Variants in PIK3R2 observed in about 807,000 individuals in gnomAD.
PIK3R2 encodes phosphatidylinositol 3-kinase regulatory subunit beta.
A neutral mutation model predicts 78.5 loss-of-function variants in PIK3R2; 40 were observed. The ratio of observed to expected loss-of-function variants is 0.51; its 90% CI spans 0.40 to 0.66. The LOEUF (loss-of-function observed/expected upper bound fraction) is 0.66. Among genes scored for constraint, PIK3R2 ranks in the 30% least tolerant of loss-of-function variants. The probability of loss-of-function intolerance (pLI) is 0.00; values close to 1 mark genes in which losing one functional copy is unlikely to be tolerated. For missense variants in PIK3R2, 880 were observed against 1,026.6 expected, an observed-to-expected ratio of 0.86 and a Z score of 1.95; for synonymous variants, 473 against 457.7, an observed-to-expected ratio of 1.03 and a Z score of -0.43.
At chr19:18,157,426 G>A (rs1052984822) in intron 2 of PIK3R2, among the ~76,000 whole-genome samples, 10 of 152,204 alleles carry the variant, frequency 6.6e-5, no homozygotes, top group Admixed American at 3.3e-4. Flanking sequence ...ATGTGACCTC[G>A]GCCAGAACCC....
At chr19:18,159,375 A>G (rs1199244527) in intron 2 of PIK3R2, among the ~76,000 whole-genome samples, 2 of 151,794 alleles carry the variant, frequency 1.3e-5, no homozygotes, top group Admixed American at 6.6e-5. Flanking sequence ...CCTTCCTTGC[A>G]GCTTCTGGTG....
chr19:18,162,597 T>C, intron 9 of PIK3R2, 91 bp downstream of exon 9: 1 of 1,142,898 alleles, frequency 8.7e-7, no homozygotes, highest in Non-Finnish European at 1.3e-6. Flanking sequence ...GTTTCAAGAA[T>C]GGAGGGCCAG....
Position 18,160,942 on chromosome 19 carries a change from C to T in PIK3R2, c.439C>T (p.Arg147Cys), listed in dbSNP as rs768743781. ...AGGGCTGGACAGCGAATCTCACTAC[C>T]GCCCGGAGCTGCCCGCACCGCGTAC... ...RTGLDSESHY[R>C]PELPAPRTDW... Residue 147 changes from arginine (R) to cysteine (C), a missense_variant, in exon 4 of 16, where the codon CGC (arginine) becomes TGC (cysteine). Physicochemically the swap from Arg to Cys is radical, Grantham distance 180. Coordinates refer to ENST00000222254, the MANE Select transcript of PIK3R2 (RefSeq NM_005027.4). 6 of 1,611,636 alleles carry T rather than the reference C, an allele frequency of 3.7e-6. No individual in the cohort carries two copies. The highest frequency in any genetic ancestry group is 3.3e-5 in the Admixed American group (2 of 59,810).
rs1416190815 is a variant in PIK3R2 at position 18,169,126 on chromosome 19, G to A, written c.2019G>A (p.Thr673=). The A allele has an allele frequency of 1.2e-6, 2 of 1,611,908 alleles. No individual in the cohort carries two copies. Among genetic ancestry groups the A allele is most frequent in the Non-Finnish European group, 8.5e-7 (1 of 1,179,856 alleles). The change falls in exon 16 of 16, where the codon ACG becomes ACA. Residue 673 remains threonine (T), a synonymous_variant. Transcript: ENST00000222254. ...GDTKHCVIYR[T]ATGFGFAEPY... is the part of the protein sequence containing the mutation. ...CCAAGCACTGCGTCATCTACCGCAC[G>A]GCCACCGGCTTCGGCTTCGCGGAGC...
In PIK3R2 at chr19:18,167,209, C is replaced by CG; in HGVS notation, c.1642dup (p.Ala548GlyfsTer51). The CG allele has an allele frequency of 6.2e-7, 1 of 1,611,484 alleles. No individual in the cohort carries two copies. Among genetic ancestry groups the CG allele is most frequent in the Non-Finnish European group, 8.5e-7 (1 of 1,178,964 alleles). ...CCGCACGAAGCTGGAGCAGCAGCTG[C>CG]GGGCCCAGGCCTCGGACAACAGAGA... is the stretch of plus-strand genomic sequence containing the variant. On this transcript the variant is annotated frameshift_variant, in exon 13 of 16. Transcript: ENST00000222254. LOFTEE classifies it high-confidence loss of function. This position sits in a 1 kb window ranked among gnomAD's most constrained non-coding sequence, Gnocchi z 4.5.
rs777507577 is a variant in PIK3R2, at chr19:18,161,134, G to A, written c.547G>A (p.Ala183Thr). ...TAAGAGCTTCCTGCTGGCACTGCCC[G>A]CGCCGCTCGTGACCCCCGAGGCCTC... ...GIKSFLLALPAPLVTPEASAE... is the reference protein window; with the variant it reads ...GIKSFLLALPTPLVTPEASAE... The change falls in exon 5 of 16, where the codon GCG becomes ACG. Residue 183 changes from alanine to threonine, a missense_variant. By Grantham distance (58) the Ala-to-Thr change is moderately conservative. Around this residue, in one of 3 missense-constraint regions of PIK3R2, gnomAD observed 456 missense variants for 486.6 expected, o/e 0.94. Transcript: ENST00000222254. This position sits in a 1 kb window ranked among gnomAD's most constrained non-coding sequence, Gnocchi z 5.3. 1 of 1,560,176 alleles carries A rather than the reference G, an allele frequency of 6.4e-7. No homozygotes were observed. The highest frequency in any genetic ancestry group is 1.4e-5 in the African/African-American group (1 of 73,736).
At position 18,168,914 on chromosome 19, in the gene PIK3R2, G is replaced by A; in HGVS notation, c.1979+18G>A. On this transcript the variant is annotated intron_variant, in intron 15 of 15. Coordinates refer to ENST00000222254, the MANE Select transcript of PIK3R2 (RefSeq NM_005027.4). The surrounding 1 kb of genome is among the most constrained non-coding windows in gnomAD (Gnocchi z 4.1). ...TCCGTGGTGTGAGTGGACCGCAGCGGTGGGGATTCCCGCGTCCCTCCCAGA... is the reference window on the plus strand; with the variant it reads ...TCCGTGGTGTGAGTGGACCGCAGCGATGGGGATTCCCGCGTCCCTCCCAGA... The A allele has an allele frequency of 6.2e-7, 1 of 1,606,546 alleles. No homozygotes were observed. Among genetic ancestry groups the A allele is most frequent in the Non-Finnish European group, 8.5e-7 (1 of 1,176,374 alleles).
At chr19:18,162,745 C>G (rs1025309212) in intron 9 of PIK3R2, 1 of 602,108 alleles carries the variant, frequency 1.7e-6, no homozygotes, top group Non-Finnish European at 2.9e-6. Context: ...AAAAAATTAG[C>G]CAGGCATGGT....
At chr19:18,162,608 G>T (rs575075667) in intron 9 of PIK3R2, 102 bp downstream of exon 9, 3 of 960,558 alleles carry the variant, frequency 3.1e-6, no homozygotes, top group South Asian at 2.9e-5. Context: ...GGAGGGCCAG[G>T]CACGGTGGCT....
Position 18,169,238 on chromosome 19 carries a change from A to T in PIK3R2, c.2131A>T (p.Thr711Ser), listed in dbSNP as rs776417211. The change falls in exon 16 of 16, where the codon ACC (threonine) becomes TCC (serine). Residue 711 changes from threonine (T) to serine (S), a missense_variant. Thr to Ser is a moderately conservative substitution (Grantham distance 58). This residue lies in a region of PIK3R2 where 268 missense variants were observed against 299.1 expected (regional missense o/e 0.90). Transcript: ENST00000222254. ...GCAGCACAACGACGCGCTCACCGTC[A>T]CCCTGGCGCACCCAGTGCGCGCCCC... is the stretch of plus-strand genomic sequence containing the variant. Reference protein sequence around the residue: ...LVQHNDALTVTLAHPVRAPGP... With the variant: ...LVQHNDALTVSLAHPVRAPGP... 6.3e-7 allele frequency: 1 copy of T among 1,586,276 alleles called. No homozygotes were observed. Among genetic ancestry groups the T allele is most frequent in the Non-Finnish European group, 8.5e-7 (1 of 1,173,464 alleles).
At chr19:18,164,527 T>G (rs1463776397) in intron 11 of PIK3R2, among the ~76,000 whole-genome samples, 3 of 152,136 alleles carry the variant, frequency 2.0e-5, no homozygotes, top group African/African-American at 4.8e-5. Flanking sequence ...TCAAGGACTG[T>G]GCTAATAAGC....
Position 18,160,545 on chromosome 19 carries a change from G to A in PIK3R2, c.397G>A (p.Glu133Lys). 6.2e-7 allele frequency: 1 copy of A among 1,613,632 alleles called. No individual in the cohort carries two copies. ...TCCCCCTCTTCTGGTGAAGCTTGTG[G>A]AGGCCATTGAAAGGACAGGTAAGTT... ...VAPPLLVKLV[E>K]AIERTGLDSE... The change falls in exon 3 of 16, where the codon GAG (glutamate) becomes AAG (lysine). Residue 133 changes from glutamate to lysine, a missense_variant. Physicochemically the swap from Glu to Lys is moderately conservative, Grantham distance 56 (BLOSUM62 1). Transcript: ENST00000222254.
In PIK3R2 at chr19:18,168,362, A is replaced by T; in HGVS notation, c.1737-113A>T. ...CTGCCCTCTTGTGGCAACCGGAGAT[A>T]TTGTACCCAGAACCCTCTCTCCTCA... On this transcript the variant is annotated intron_variant, in intron 13 of 15. Transcript: ENST00000222254. The surrounding 1 kb of genome is among the most constrained non-coding windows in gnomAD (Gnocchi z 4.1). 1.5e-6 allele frequency: 1 copy of T among 687,762 alleles called. No homozygotes were observed. The highest frequency in any genetic ancestry group is 1.6e-5 in the South Asian group (1 of 64,054). The allele number at this position is 687,762 out of a possible 1,614,324, so 42.6% of individuals were successfully genotyped here.
intron 2 of PIK3R2, among the ~76,000 whole-genome samples, chr19:18,157,607 G>A (rs2043691179): frequency 6.6e-6 from 1 of 152,120 alleles, no homozygotes; most frequent in African/African-American, 2.4e-5. Flanking sequence ...TGCAAAGTCG[G>A]GGTGATGCAG....
rs373347268 is a variant in PIK3R2, at chr19:18,166,146, G to C, written c.1417-14G>C. 3.1e-6 allele frequency: 5 copies of C among 1,613,604 alleles called. No individual in the cohort carries two copies. The highest frequency in any genetic ancestry group is 4.2e-6 in the Non-Finnish European group (5 of 1,179,878). ...GGAGTCCCAGGAGGTGCTGAGCTGC[G>C]CCCCCTCCTCCAGGAGCTGCAGATG... is the stretch of plus-strand genomic sequence containing the variant. On this transcript the variant is annotated splice_polypyrimidine_tract_variant and intron_variant, in intron 11 of 15. Transcript: ENST00000222254.
chr19:18,168,379 C>T lies in PIK3R2; in HGVS notation c.1737-96C>T. On this transcript the variant is annotated intron_variant, in intron 13 of 15. Transcript: ENST00000222254. The surrounding 1 kb of genome is among the most constrained non-coding windows in gnomAD (Gnocchi z 4.1). ...CCGGAGATATTGTACCCAGAACCCT[C>T]TCTCCTCAGCCAGACCCTGCCTCCC... 1 of 713,764 alleles carries T rather than the reference C, an allele frequency of 1.4e-6. No homozygotes were observed. The highest frequency in any genetic ancestry group is 2.6e-6 in the Non-Finnish European group (1 of 384,066). 44.2% of individuals were successfully genotyped at this position (713,764 alleles called of 1,614,324 possible). A position where few individuals can be genotyped will look rare whatever the true frequency, so the allele number is the denominator to read the frequency against.
Position 18,169,331 on chromosome 19 carries a change from G to T in PIK3R2, c.*37G>T. 8.0e-7 allele frequency: 1 copy of T among 1,256,260 alleles called. No homozygotes were observed. Among genetic ancestry groups the T allele is most frequent in the East Asian group, 3.4e-5 (1 of 29,780 alleles). The allele number at this position is 1,256,260 out of a possible 1,614,324, so 77.8% of individuals were successfully genotyped here. A position where few individuals can be genotyped will look rare whatever the true frequency, so the allele number is the denominator to read the frequency against. The stretch of plus-strand genomic sequence containing the variant: ...CCGCCCCAAGCAGAGCCGCCCCTGG[G>T]CCCGTCTGCGCCGGAGGCTGCGGCG... On this transcript the variant is annotated 3_prime_UTR_variant, in exon 16 of 16. Coordinates refer to ENST00000222254, the MANE Select transcript of PIK3R2 (RefSeq NM_005027.4).
chr19:18,166,314 G>A lies in PIK3R2; in HGVS notation c.1559+12G>A, dbSNP rs142415492. 184 of 1,610,850 alleles carry A rather than the reference G, an allele frequency of 1.1e-4. No homozygotes were observed. The highest frequency in any genetic ancestry group is 7.3e-4 in the Admixed American group (44 of 59,972). On this transcript the variant is annotated intron_variant, in intron 12 of 15. Transcript: ENST00000222254. ...AAAGAGATGCAAAGGTGAGTCTGGCGCCTCTGCCCTGCCCCACCCCACCCT... is the reference window on the plus strand; with the variant it reads ...AAAGAGATGCAAAGGTGAGTCTGGCACCTCTGCCCTGCCCCACCCCACCCT...
At chr19:18,160,774 T>C in intron 3 of PIK3R2, 145 bp from the exon 4 acceptor site, 1 of 1,032,590 alleles carries the variant, frequency 9.7e-7, no homozygotes, top group Non-Finnish European at 1.5e-6. Flanking sequence ...TGCTGTGCCC[T>C]CTCCCAGTTC....
Sources: allele counts gnomAD v4.1 joint callset (sites outside exome capture counted in the v4.1 genomes callset), GRCh38; gene constraint gnomAD v4.1.1; regional missense constraint gnomAD v4.1.1; non-coding constraint Gnocchi (gnomAD v3.1); transcripts MANE v1.5; gene names NCBI Gene and HGNC (gene_info 2026-07-23, HGNC 2026-07-21).